The following LRRTM4 variants were observed in gnomAD, a reference collection of about 807,000 sequenced individuals.
LRRTM4 encodes leucine rich repeat transmembrane neuronal 4, also known as leucine-rich repeat transmembrane neuronal protein 4.
In LRRTM4, 25 loss-of-function variants were observed where a neutral mutation model predicts 47.6. That is an observed-to-expected ratio of 0.53 (90% CI 0.38 to 0.73). LRRTM4 has a LOEUF of 0.73. LRRTM4 is among the 30% of genes least tolerant of loss of function. The probability of loss-of-function intolerance (pLI) is 0.00; values close to 1 mark genes in which losing one functional copy is unlikely to be tolerated. For synonymous variants in LRRTM4, 311 were observed against 269.5 expected (o/e 1.15, Z -1.51); for missense variants, 638 against 713.4 (o/e 0.89, Z 1.20).
At chr2:76,836,404 A>T (rs932903040) in intron 3 of LRRTM4, among the ~76,000 whole-genome samples, 2 of 151,842 alleles carry the variant, frequency 1.3e-5, no homozygotes, top group African/African-American at 4.8e-5. Context: ...TATTTTGATC[A>T]TGTCTATGCC....
chr2:77,128,613 A>C lies in LRRTM4; in HGVS notation c.1552-379697T>G, dbSNP rs77803458. On this transcript the variant is annotated intron_variant, in intron 3 of 3. Transcript: ENST00000409884. ...CTCTTATCATCAAAAGAAAGTTTTC[A>C]TTGTGCATTATAATAAGAAAGAAGA... Among the ~76,000 whole-genome samples, 217 of 152,248 alleles carry C rather than the reference A, an allele frequency of 1.4e-3. 2 individuals are homozygous for C. The highest frequency in any genetic ancestry group is 4.9e-3 in the African/African-American group (205 of 41,542).
intron 3 of LRRTM4, among the ~76,000 whole-genome samples, chr2:76,961,368 C>A (rs984914011): frequency 8.0e-5 from 12 of 150,836 alleles, no homozygotes; most frequent in African/African-American, 2.7e-4. Flanking sequence ...TGGAACATCA[C>A]AGATCTGTTA....
rs554519300 is a variant in LRRTM4 at position 77,307,180 on chromosome 2, G to A, written c.1551+211138C>T. Among the ~76,000 whole-genome samples the A allele has an allele frequency of 3.3e-5, 5 of 152,012 alleles. No individual in the cohort carries two copies. In the South Asian group the frequency reaches 1.0e-3, roughly 32 times the overall value. On this transcript the variant is annotated intron_variant, in intron 3 of 3. Coordinates refer to ENST00000409884, the MANE Select transcript of LRRTM4 (RefSeq NM_001134745.3). ...CTCCCAAAGTGCTGGGATTACAGGC[G>A]TGAGCCACCGCGCCCGGCCCCCATA...
intron 3 of LRRTM4, among the ~76,000 whole-genome samples, chr2:77,426,663 C>T (rs1573397908): frequency 1.3e-5 from 2 of 149,746 alleles, no homozygotes; most frequent in East Asian, 4.1e-4. Context: ...TTTATAAGGG[C>T]CTTCTTTTCC....
chr2:76,820,514 T>C (rs1671023561), intron 3 of LRRTM4, among the ~76,000 whole-genome samples: 1 of 151,808 alleles, frequency 6.6e-6, no homozygotes, highest in Non-Finnish European at 1.5e-5. Flanking sequence ...TTGGTCATAA[T>C]TTCTGAGAGC....
intron 3 of LRRTM4, among the ~76,000 whole-genome samples, chr2:77,463,488 G>T (rs115708682): frequency 1.6e-3 from 249 of 152,102 alleles, no homozygotes; most frequent in African/African-American, 5.8e-3. Context: ...ATAGCTTGCA[G>T]ATACTCACAT....
intron 3 of LRRTM4, chr2:76,989,920 C>T (rs1250285789): frequency 6.6e-6 from 1 of 151,728 alleles, no homozygotes; most frequent in Admixed American, 6.6e-5. Context: ...AAGTACATGG[C>T]ACAATGGTGA....
At chr2:77,281,313 G>T (rs895875727) in intron 3 of LRRTM4, among the ~76,000 whole-genome samples, 1 of 151,854 alleles carries the variant, frequency 6.6e-6, no homozygotes, top group Non-Finnish European at 1.5e-5. Flanking sequence ...CATGATTTCT[G>T]TAGATGGTTA....
chr2:77,178,419 C>A (rs1673257511), intron 3 of LRRTM4, among the ~76,000 whole-genome samples: 1 of 152,050 alleles, frequency 6.6e-6, no homozygotes, highest in African/African-American at 2.4e-5. Context: ...AACCCCGTCT[C>A]TACCGAAAAA....
intron 3 of LRRTM4, among the ~76,000 whole-genome samples, chr2:77,149,251 A>G (rs979922452): frequency 1.3e-5 from 2 of 152,298 alleles, no homozygotes; most frequent in East Asian, 1.9e-4. Context: ...TACCAATTGC[A>G]TACTAAAATA....
rs1319168288 is a variant in LRRTM4, at chr2:76,795,964, T to C, written c.1552-47048A>G. 7.3e-5 allele frequency among the ~76,000 whole-genome samples: 11 copies of C among 150,236 alleles called. No individual in the cohort carries two copies. The South Asian group carries it at 8.6e-4, about 12-fold the overall frequency. On this transcript the variant is annotated intron_variant, in intron 3 of 3. Coordinates refer to ENST00000409884, the MANE Select transcript of LRRTM4 (RefSeq NM_001134745.3). The stretch of plus-strand genomic sequence containing the variant: ...CGCAGGTCAGTGGGTGCGCGCACCA[T>C]GTGCGAGCCGAAGCAGGGCGAGGCA...
intron 3 of LRRTM4, among the ~76,000 whole-genome samples, chr2:76,929,047 C>G (rs1674680959): frequency 6.6e-6 from 1 of 152,124 alleles, no homozygotes; most frequent in Non-Finnish European, 1.5e-5. Flanking sequence ...GTTTAACTTA[C>G]TACTACTGGA....
intron 3 of LRRTM4, among the ~76,000 whole-genome samples, chr2:77,323,725 TG>T: frequency 6.6e-6 from 1 of 152,262 alleles, no homozygotes; most frequent in African/African-American, 2.4e-5. Flanking sequence ...CAATTCGAAC[TG>T]CATCTTTCTA....
At chr2:76,794,661 T>C (rs1244254370) in intron 3 of LRRTM4, among the ~76,000 whole-genome samples, 3 of 152,206 alleles carry the variant, frequency 2.0e-5, no homozygotes, top group Admixed American at 6.5e-5. Flanking sequence ...TTTGTTTATT[T>C]TCTTCTTATT....
intron 3 of LRRTM4, among the ~76,000 whole-genome samples, chr2:76,766,670 T>C (rs1472887651): frequency 6.6e-6 from 1 of 152,210 alleles, no homozygotes; most frequent in Non-Finnish European, 1.5e-5. Flanking sequence ...TAATCATTCC[T>C]GCCTTGCTAC....
At chr2:76,979,334 A>G (rs1392320670) in intron 3 of LRRTM4, among the ~76,000 whole-genome samples, 1 of 151,940 alleles carries the variant, frequency 6.6e-6, no homozygotes, top group African/African-American at 2.4e-5. Flanking sequence ...GGAAAAGCAG[A>G]TCTCACTTTC....
intron 3 of LRRTM4, among the ~76,000 whole-genome samples, chr2:76,913,194 ATT>A (rs1258209015): frequency 1.3e-5 from 2 of 152,098 alleles, no homozygotes. Flanking sequence ...TGTTTGAAAT[ATT>A]GTTATATTTA....
intron 3 of LRRTM4, among the ~76,000 whole-genome samples, chr2:76,847,246 C>T (rs1243793808): frequency 1.3e-5 from 2 of 152,166 alleles, no homozygotes; most frequent in African/African-American, 4.8e-5. Flanking sequence ...CCACTCCTAA[C>T]ACACACAGGT....
At chr2:76,898,898 T>C (rs1673518898) in intron 3 of LRRTM4, among the ~76,000 whole-genome samples, 1 of 151,906 alleles carries the variant, frequency 6.6e-6, no homozygotes, top group South Asian at 2.1e-4. Context: ...ATTTGTTAAT[T>C]TCTGCTTTTT....
Sources: allele counts gnomAD v4.1 joint callset (sites outside exome capture counted in the v4.1 genomes callset), GRCh38; gene constraint gnomAD v4.1.1; transcripts MANE v1.5; gene names NCBI Gene and HGNC (gene_info 2026-07-23, HGNC 2026-07-21).